TNFSF4: variants seen among roughly 807,000 people sequenced by gnomAD.
TNFSF4 encodes the protein TNF superfamily member 4, also known as tumor necrosis factor ligand superfamily member 4.
A neutral mutation model predicts 7.3 loss-of-function variants in TNFSF4; 4 were observed. The observed-to-expected ratio is 0.55, with a 90% CI of 0.27 to 1.25. The LOEUF is 1.25. TNFSF4 is among the 50% of genes most tolerant of loss of function. The probability of loss-of-function intolerance (pLI) is 0.12; values close to 1 mark genes in which losing one functional copy is unlikely to be tolerated. For missense variants in TNFSF4, 181 were observed against 208.8 expected, an observed-to-expected ratio of 0.87 and a Z score of 0.82; for synonymous variants, 76 against 83.7, an observed-to-expected ratio of 0.91 and a Z score of 0.50.
At chr1:173,374,523 C>T in the TNFSF4 span, among the ~76,000 whole-genome samples, 5 of 152,096 alleles carry the variant, frequency 3.3e-5, no homozygotes, top group Non-Finnish European at 7.3e-5. Flanking sequence ...AGACCAGCCT[C>T]GATACACCTG....
chr1:173,354,122 A>C, the TNFSF4 span, among the ~76,000 whole-genome samples: 1 of 152,182 alleles, frequency 6.6e-6, no homozygotes, highest in African/African-American at 2.4e-5. Context: ...AAAAGAGAGA[A>C]GATTCAAATA....
the TNFSF4 span, among the ~76,000 whole-genome samples, chr1:173,329,190 C>G: frequency 6.6e-6 from 1 of 152,156 alleles, no homozygotes; most frequent in African/African-American, 2.4e-5. Context: ...GGGATTTGTT[C>G]CAGGACCTCC....
At chr1:173,362,491 G>A in the TNFSF4 span, 1 of 540,144 alleles carries the variant, frequency 1.9e-6, no homozygotes, top group Non-Finnish European at 3.7e-6. Flanking sequence ...CTCCAGCTGG[G>A]CTTGGTATTT....
chr1:173,394,987 CATAGATAGATAG>C, the TNFSF4 span, among the ~76,000 whole-genome samples: 357 of 126,950 alleles, frequency 2.8e-3, 1 homozygote, highest in Middle Eastern at 0.015. Context: ...ATAGAGGACA[CATAGATAGATAG>C]ATAGATAGAT....
At chr1:173,307,227 T>A in the TNFSF4 span, among the ~76,000 whole-genome samples, 1 of 151,966 alleles carries the variant, frequency 6.6e-6, no homozygotes, top group Non-Finnish European at 1.5e-5. Flanking sequence ...ATAATGATAA[T>A]CTATTTATGC....
At chr1:173,284,319 C>A in the TNFSF4 span, among the ~76,000 whole-genome samples, 1 of 152,096 alleles carries the variant, frequency 6.6e-6, no homozygotes, top group East Asian at 1.9e-4. Flanking sequence ...AGTAGCTAGA[C>A]CCTGGATAAA....
the TNFSF4 span, among the ~76,000 whole-genome samples, chr1:173,310,695 T>C: frequency 6.6e-6 from 1 of 151,646 alleles, no homozygotes; most frequent in African/African-American, 2.4e-5. Flanking sequence ...TTGTCTGTTA[T>C]TGTAGCAGTC....
At chr1:173,378,531 C>T in the TNFSF4 span, among the ~76,000 whole-genome samples, 1 of 152,312 alleles carries the variant, frequency 6.6e-6, no homozygotes, top group African/African-American at 2.4e-5. Context: ...AGAGGTGGCT[C>T]ATTTTTTTCT....
chr1:173,375,976 C>A, the TNFSF4 span, among the ~76,000 whole-genome samples: 4 of 152,280 alleles, frequency 2.6e-5, no homozygotes, highest in Middle Eastern at 3.4e-3. Flanking sequence ...ACTCCAGACA[C>A]AAGATGATGG....
the TNFSF4 span, among the ~76,000 whole-genome samples, chr1:173,401,314 A>G: frequency 2.0e-5 from 3 of 152,318 alleles, no homozygotes; most frequent in Admixed American, 6.5e-5. Context: ...ATGAGTATCA[A>G]GTTGGCAAGG....
the TNFSF4 span, among the ~76,000 whole-genome samples, chr1:173,384,474 C>CA: frequency 6.6e-6 from 1 of 151,832 alleles, no homozygotes; most frequent in African/African-American, 2.4e-5. Context: ...AGCTCTAAAG[C>CA]AAAAAACACA....
chr1:173,243,371 C>T, the TNFSF4 span, among the ~76,000 whole-genome samples: 1 of 152,284 alleles, frequency 6.6e-6, no homozygotes, highest in East Asian at 1.9e-4. Context: ...GCCCCTTACC[C>T]TCCACAGTCC....
the TNFSF4 span, among the ~76,000 whole-genome samples, chr1:173,356,051 G>A: frequency 1.8e-3 from 274 of 152,288 alleles, 1 homozygote; most frequent in Non-Finnish European, 2.8e-3. Flanking sequence ...TCATCTACAG[G>A]GTTGCCATTC....
At chr1:173,450,657 G>A in the TNFSF4 span, among the ~76,000 whole-genome samples, 6 of 140,372 alleles carry the variant, frequency 4.3e-5, no homozygotes, top group East Asian at 4.4e-4. Context: ...CACGTCAACA[G>A]TCTAAAAAAG....
At chr1:173,352,384 T>A in the TNFSF4 span, among the ~76,000 whole-genome samples, 7 of 152,344 alleles carry the variant, frequency 4.6e-5, 1 homozygote, top group African/African-American at 1.7e-4. Context: ...TACGTTATTT[T>A]CTATTTTCCC....
At chr1:173,340,026 A>G in the TNFSF4 span, among the ~76,000 whole-genome samples, 228 of 152,294 alleles carry the variant, frequency 1.5e-3, 4 homozygotes, top group East Asian at 0.038. Context: ...TCCCTTTACT[A>G]TGATGTGAGT....
rs17372309 is a variant in TNFSF4 at position 173,185,400 on chromosome 1, T to C, written c.*1116A>G. ...GGCATAGGCTGATTATAGACCCTTC[T>C]AGTTTCAATTATCAATGTGAGACTA... On this transcript the variant is annotated 3_prime_UTR_variant, in exon 3 of 3. Transcript: ENST00000281834. The C allele has an allele frequency of 0.15, 22,823 of 152,204 alleles. 2,149 individuals carry two copies. The highest frequency in any genetic ancestry group is 0.27 in the Middle Eastern group (79 of 294). 9.4% of individuals were successfully genotyped at this position (152,204 alleles called of 1,614,324 possible). A position where few individuals can be genotyped will look rare whatever the true frequency, so the allele number is the denominator to read the frequency against.
the TNFSF4 span, among the ~76,000 whole-genome samples, chr1:173,322,253 G>A: frequency 2.0e-5 from 3 of 152,128 alleles, no homozygotes; most frequent in African/African-American, 7.2e-5. Flanking sequence ...CTCATAAGTG[G>A]GAGTTGAACA....
At chr1:173,368,546 CG>C in the TNFSF4 span, among the ~76,000 whole-genome samples, 5 of 152,146 alleles carry the variant, frequency 3.3e-5, no homozygotes, top group Non-Finnish European at 7.4e-5. Flanking sequence ...ACTAAAGACA[CG>C]GGTGTCAGGC....
Sources: gnomAD v4.1 joint callset for allele counts (sites outside exome capture counted in the v4.1 genomes callset) on GRCh38, gnomAD v4.1.1 for gene constraint, MANE v1.5 for transcripts, NCBI Gene and HGNC (gene_info 2026-07-23, HGNC 2026-07-21) for gene names.